Variants in STPG4 observed in about 807,000 individuals in gnomAD.
STPG4 encodes the protein protein STPG4.
A neutral mutation model predicts 31.5 loss-of-function variants in STPG4; 41 were observed. The observed-to-expected ratio is 1.30, with a 90% CI of 1.01 to 1.69. The LOEUF (loss-of-function observed/expected upper bound fraction) is 1.69. STPG4 is among the 40% of genes most tolerant of loss of function. The pLI, the probability that STPG4 is intolerant of heterozygous loss-of-function variation, is 0.00. For missense variants in STPG4, 375 were observed against 293.4 expected (o/e 1.28, Z -2.03); for synonymous variants, 141 against 103.0 (o/e 1.37, Z -2.24).
At chr2:47,097,875 T>C (rs1204148890) in intron 5 of STPG4, among the ~76,000 whole-genome samples, 1 of 151,906 alleles carries the variant, frequency 6.6e-6, no homozygotes, top group Non-Finnish European at 1.5e-5. Flanking sequence ...CCCAGCACTT[T>C]TGGAGGCCCA....
intron 3 of STPG4, among the ~76,000 whole-genome samples, chr2:47,150,258 A>C (rs993608773): frequency 6.6e-6 from 1 of 152,212 alleles, no homozygotes; most frequent in Non-Finnish European, 1.5e-5. Flanking sequence ...CAGCCTTTTA[A>C]TCCAGCCTCC....
chr2:47,123,871 T>C (rs1304237177), intron 5 of STPG4, among the ~76,000 whole-genome samples: 2 of 152,202 alleles, frequency 1.3e-5, no homozygotes, highest in East Asian at 3.8e-4. Flanking sequence ...GATACAAGCA[T>C]ACAATGTGTA....
rs553087015 is a variant in STPG4, at chr2:47,090,306, A to G, written c.588T>C (p.Phe196=). The G allele has an allele frequency of 9.6e-5, 149 of 1,551,926 alleles. 3 individuals carry two copies. In the South Asian group the frequency reaches 1.7e-3, roughly 18 times the overall value. ...MPPTSSVTSC[F]QSRVPRFLPS... is the part of the protein sequence containing the mutation. ...GCAAGAATCGAGGGACTCTGGATTG[A>G]AAACAAGAAGTGACAGAGCTTGTTG... Residue 196 remains phenylalanine (F), a synonymous_variant, in exon 6 of 7, where the codon TTT becomes TTC. Transcript: ENST00000445927.
At position 47,103,546 on chromosome 2, in the gene STPG4, C is replaced by T. The variant is rs190951584; in HGVS notation, c.520-13172G>A. On this transcript the variant is annotated intron_variant, in intron 5 of 6. Transcript: ENST00000445927. ...TAGTCATGGCCCTCAGACAGACAAA[C>T]CTTGGTGGTTCAGAGAGGACAGAAA... is the stretch of plus-strand genomic sequence containing the variant. 1.2e-3 allele frequency among the ~76,000 whole-genome samples: 190 copies of T among 152,006 alleles called. 1 individual carries two copies. Among genetic ancestry groups the T allele is most frequent in the Non-Finnish European group, 2.0e-3 (134 of 68,012 alleles).
At chr2:47,130,745 C>T (rs1392879598) in intron 3 of STPG4, among the ~76,000 whole-genome samples, 1 of 152,042 alleles carries the variant, frequency 6.6e-6, no homozygotes, top group African/African-American at 2.4e-5. Context: ...GAACTCCTGG[C>T]CTCAAGTGAT....
rs545564458 is a variant in STPG4 at position 47,134,489 on chromosome 2, G to A, written c.400-4229C>T. Among the ~76,000 whole-genome samples the A allele has an allele frequency of 1.2e-4, 18 of 152,172 alleles. No individual in the cohort carries two copies. The South Asian group carries it at 1.5e-3, about 12-fold the overall frequency. On this transcript the variant is annotated intron_variant, in intron 3 of 6. Coordinates refer to ENST00000445927, the MANE Select transcript of STPG4 (RefSeq NM_001163561.2). ...TTTTCAGATTGGCTTCTTTCACTTC[G>A]TGATATGCATTTATGTTTCCTCCAT...
At chr2:47,120,099 CGTGG>C (rs1332876678) in intron 5 of STPG4, among the ~76,000 whole-genome samples, 1 of 152,046 alleles carries the variant, frequency 6.6e-6, no homozygotes, top group Non-Finnish European at 1.5e-5. Flanking sequence ...GGGAGGCTAA[CGTGG>C]GTGGATCACT....
intron 3 of STPG4, among the ~76,000 whole-genome samples, chr2:47,143,863 A>C (rs967315218): frequency 6.6e-6 from 1 of 152,130 alleles, no homozygotes; most frequent in African/African-American, 2.4e-5. Flanking sequence ...TCACCATTTG[A>C]TACAGGTGAT....
intron 5 of STPG4, among the ~76,000 whole-genome samples, chr2:47,096,801 G>C (rs1415002214): frequency 2.6e-5 from 4 of 152,194 alleles, no homozygotes; most frequent in Non-Finnish European, 4.4e-5. Context: ...CAATCTAGTT[G>C]TGAAGACAAG....
rs1358979645 is a variant in STPG4 at position 47,087,055 on chromosome 2, G to T, written c.700C>A (p.Gln234Lys). The T allele has an allele frequency of 6.4e-7, 1 of 1,551,748 alleles. No homozygotes were observed. Among genetic ancestry groups the T allele is most frequent in the Admixed American group, 2.0e-5 (1 of 51,014 alleles). Residue 234 changes from glutamine (Q) to lysine (K), a missense_variant, in exon 7 of 7, where the codon CAA (glutamine) becomes AAA (lysine). By Grantham distance (53) the Gln-to-Lys change is moderately conservative. Coordinates refer to ENST00000445927, the MANE Select transcript of STPG4 (RefSeq NM_001163561.2). Reference protein sequence around the residue: ...KQSPTIAKMGQEHSLFFNNNN... With the variant: ...KQSPTIAKMGKEHSLFFNNNN... Reference sequence around the variant, plus strand: ...TTGTTGAAGAAAAGGCTATGCTCTTGGCCCATTTTGGCTATGGTCGGAGAC... The same window carrying T: ...TTGTTGAAGAAAAGGCTATGCTCTTTGCCCATTTTGGCTATGGTCGGAGAC...
Position 47,151,409 on chromosome 2 carries a change from G to C in STPG4, c.248C>G (p.Pro83Arg). Residue 83 changes from proline to arginine, a missense_variant, in exon 3 of 7, where the codon CCA (proline) becomes CGA (arginine). By Grantham distance (103) the Pro-to-Arg change is moderately radical. Transcript: ENST00000445927. ...YNFKNEGRKK[P>R]PLVQRNNPVL... is the part of the protein sequence containing the mutation. Reference sequence around the variant, plus strand: ...TGGATTGTTTCTTTGCACAAGAGGTGGCTTTTTCCTTCCTTCGTTTTTAAA... The same window carrying C: ...TGGATTGTTTCTTTGCACAAGAGGTCGCTTTTTCCTTCCTTCGTTTTTAAA... 1 of 1,614,118 alleles carries C rather than the reference G, an allele frequency of 6.2e-7. No homozygotes were observed. Among genetic ancestry groups the C allele is most frequent in the Non-Finnish European group, 8.5e-7 (1 of 1,180,010 alleles).
chr2:47,143,518 C>G (rs1686758545), intron 3 of STPG4, among the ~76,000 whole-genome samples: 1 of 150,482 alleles, frequency 6.6e-6, no homozygotes, highest in Admixed American at 6.6e-5. Flanking sequence ...CAGATTCTCG[C>G]TCTGTCGCCC....
chr2:47,150,517 T>TA (rs929123236), intron 3 of STPG4, among the ~76,000 whole-genome samples: 5 of 151,566 alleles, frequency 3.3e-5, no homozygotes, highest in Non-Finnish European at 5.9e-5. Context: ...TTTTTTTAAT[T>TA]AAAAAAAATA....
chr2:47,111,178 ACT>A (rs774373407), intron 5 of STPG4, among the ~76,000 whole-genome samples: 14 of 152,214 alleles, frequency 9.2e-5, no homozygotes, highest in Non-Finnish European at 1.6e-4. Flanking sequence ...CAAGAAAAGC[ACT>A]GAGTCTGTAT....
chr2:47,127,828 G>C (rs1686394743), intron 5 of STPG4, among the ~76,000 whole-genome samples: 1 of 152,150 alleles, frequency 6.6e-6, no homozygotes, highest in Non-Finnish European at 1.5e-5. Context: ...CTCTGGGATT[G>C]ATCACTCGTG....
intron 5 of STPG4, among the ~76,000 whole-genome samples, chr2:47,094,606 AAAG>A (rs1000772206): frequency 9.2e-5 from 14 of 152,194 alleles, no homozygotes; most frequent in African/African-American, 3.4e-4. Context: ...AAACACCACA[AAAG>A]AATAAACGGA....
At chr2:47,105,071 A>AACC (rs1171098811) in intron 5 of STPG4, among the ~76,000 whole-genome samples, 1 of 151,954 alleles carries the variant, frequency 6.6e-6, no homozygotes, top group Non-Finnish European at 1.5e-5. Context: ...GTAGAATGGC[A>AACC]ACCAGAGGCA....
At chr2:47,136,636 G>C (rs997520274) in intron 3 of STPG4, among the ~76,000 whole-genome samples, 17 of 152,132 alleles carry the variant, frequency 1.1e-4, no homozygotes, top group Non-Finnish European at 1.6e-4. Flanking sequence ...CTATCATCAT[G>C]AGTTTTGACA....
Position 47,151,327 on chromosome 2 carries a change from C to T in STPG4, c.330G>A (p.Lys110=). Residue 110 remains lysine (K), a synonymous_variant, in exon 3 of 7, where the codon AAG becomes AAA. Transcript: ENST00000445927. ...MPPDFLDLLK[K]QVATYSFKDK... ...CTTTGAATGAGTAAGTAGCCACTTGCTTCTTTAACAGGTCCAGGAAGTCAG... is the reference window on the plus strand; with the variant it reads ...CTTTGAATGAGTAAGTAGCCACTTGTTTCTTTAACAGGTCCAGGAAGTCAG... 1 of 1,614,174 alleles carries T rather than the reference C, an allele frequency of 6.2e-7. No homozygotes were observed. Among genetic ancestry groups the T allele is most frequent in the Non-Finnish European group, 8.5e-7 (1 of 1,180,020 alleles).
Sources: allele counts gnomAD v4.1 joint callset (sites outside exome capture counted in the v4.1 genomes callset), GRCh38; gene constraint gnomAD v4.1.1; transcripts MANE v1.5; gene names NCBI Gene and HGNC (gene_info 2026-07-23, HGNC 2026-07-21).